KCTD16: variants seen among roughly 807,000 people sequenced by gnomAD.
The protein encoded by KCTD16 is potassium channel tetramerization domain containing 16, also known as BTB/POZ domain-containing protein KCTD16.
KCTD16 carries 13 observed loss-of-function variants against 33.2 expected under a neutral mutation model. The observed-to-expected ratio is 0.39, with a 90% CI of 0.25 to 0.62. The LOEUF (loss-of-function observed/expected upper bound fraction) is 0.62, where lower values mean the gene tolerates loss of function less well. KCTD16 is among the 20% of genes least tolerant of loss of function. The pLI is 0.50. For missense variants in KCTD16, 441 were observed against 525.1 expected (o/e 0.84, Z 1.57); for synonymous variants, 197 against 195.3 (o/e 1.01, Z -0.07).
chr5:144,465,779 CTTTTTTGT>C (rs1450038536), intron 3 of KCTD16, among the ~76,000 whole-genome samples: 3 of 129,872 alleles, frequency 2.3e-5, no homozygotes, highest in Non-Finnish European at 3.2e-5. Flanking sequence ...CCAAATTTAA[CTTTTTTGT>C]TTTTTTTTTT....
intron 3 of KCTD16, among the ~76,000 whole-genome samples, chr5:144,289,279 C>T (rs1192977303): frequency 6.6e-6 from 1 of 152,106 alleles, no homozygotes; most frequent in Non-Finnish European, 1.5e-5. Flanking sequence ...TGCATTTCAC[C>T]CTGGGATATT....
chr5:144,370,457 A>T (rs1265300185), intron 3 of KCTD16, among the ~76,000 whole-genome samples: 2 of 152,230 alleles, frequency 1.3e-5, no homozygotes, highest in Non-Finnish European at 2.9e-5. Context: ...TTTTGATGGC[A>T]GAATTTACTT....
chr5:144,233,835 T>G (rs1197748166), intron 3 of KCTD16, among the ~76,000 whole-genome samples: 1 of 152,140 alleles, frequency 6.6e-6, no homozygotes, highest in East Asian at 1.9e-4. Flanking sequence ...TAAATCTGCT[T>G]CTGCCCTGGC....
chr5:144,317,452 G>A (rs557647586), intron 3 of KCTD16, among the ~76,000 whole-genome samples: 1 of 152,304 alleles, frequency 6.6e-6, no homozygotes, highest in Non-Finnish European at 1.5e-5. Flanking sequence ...CTCTGGGAAT[G>A]GTTCCTGGAA....
intron 3 of KCTD16, among the ~76,000 whole-genome samples, chr5:144,248,190 T>G (rs1754601852): frequency 6.6e-6 from 1 of 151,260 alleles, no homozygotes; most frequent in African/African-American, 2.4e-5. Flanking sequence ...AAAGGGAGAG[T>G]AGGGGGCAGT....
chr5:144,235,157 A>T (rs1356510966), intron 3 of KCTD16, among the ~76,000 whole-genome samples: 2 of 152,150 alleles, frequency 1.3e-5, no homozygotes. Context: ...ATCATTTTGC[A>T]TGGGTGATAA....
intron 3 of KCTD16, among the ~76,000 whole-genome samples, chr5:144,403,485 A>C (rs1282517841): frequency 6.6e-6 from 1 of 152,074 alleles, no homozygotes; most frequent in Non-Finnish European, 1.5e-5. Flanking sequence ...ATATGTCTAC[A>C]AGCCAAGGAA....
chr5:144,262,756 C>T (rs1327139875), intron 3 of KCTD16, among the ~76,000 whole-genome samples: 1 of 152,148 alleles, frequency 6.6e-6, no homozygotes, highest in African/African-American at 2.4e-5. Context: ...TAGAAATCTT[C>T]AGTTTATTTG....
chr5:144,387,544 A>G (rs1752351598), intron 3 of KCTD16, among the ~76,000 whole-genome samples: 1 of 152,198 alleles, frequency 6.6e-6, no homozygotes, highest in Non-Finnish European at 1.5e-5. Context: ...TACTTAAAGC[A>G]TAAAGAAAGA....
intron 3 of KCTD16, among the ~76,000 whole-genome samples, chr5:144,406,295 A>G: frequency 6.6e-6 from 1 of 152,322 alleles, no homozygotes; most frequent in South Asian, 2.1e-4. Flanking sequence ...CATGAGGCAC[A>G]GTTAGTTAGT....
At chr5:144,247,925 G>T (rs935549418) in intron 3 of KCTD16, among the ~76,000 whole-genome samples, 1 of 152,112 alleles carries the variant, frequency 6.6e-6, no homozygotes, top group Non-Finnish European at 1.5e-5. Flanking sequence ...TGATGAGCAG[G>T]TCCTGGGCTA....
At chr5:144,254,352 C>T (rs953951293) in intron 3 of KCTD16, among the ~76,000 whole-genome samples, 2 of 151,514 alleles carry the variant, frequency 1.3e-5, no homozygotes, top group African/African-American at 2.4e-5. Flanking sequence ...ACAGTGTTTG[C>T]CAGGATGGTC....
chr5:144,305,611 C>G (rs773209825), intron 3 of KCTD16, among the ~76,000 whole-genome samples: 9 of 152,066 alleles, frequency 5.9e-5, no homozygotes, highest in Non-Finnish European at 1.0e-4. Flanking sequence ...GTCAGGAGAT[C>G]GAGACCATCC....
At chr5:144,440,663 C>A (rs2126976620) in intron 3 of KCTD16, among the ~76,000 whole-genome samples, 1 of 147,452 alleles carries the variant, frequency 6.8e-6, no homozygotes, top group South Asian at 2.1e-4. Flanking sequence ...GAGGCCCTAT[C>A]TCTACTGAAA....
At chr5:144,444,535 T>C (rs1394770768) in intron 3 of KCTD16, among the ~76,000 whole-genome samples, 1 of 152,024 alleles carries the variant, frequency 6.6e-6, no homozygotes, top group Non-Finnish European at 1.5e-5. Flanking sequence ...GCCTCAATAA[T>C]GTTTTTTTTA....
chr5:144,443,235 T>G (rs762595260), intron 3 of KCTD16, among the ~76,000 whole-genome samples: 21 of 152,224 alleles, frequency 1.4e-4, no homozygotes, highest in Middle Eastern at 3.4e-3. Flanking sequence ...TTGGAGCTTA[T>G]GAGGTGAAGG....
intron 3 of KCTD16, among the ~76,000 whole-genome samples, chr5:144,444,852 T>C (rs1010575912): frequency 6.6e-6 from 1 of 150,430 alleles, no homozygotes; most frequent in Non-Finnish European, 1.5e-5. Flanking sequence ...TATATATATA[T>C]ATATGTGTGT....
intron 3 of KCTD16, among the ~76,000 whole-genome samples, chr5:144,406,003 A>G (rs1000673762): frequency 6.6e-6 from 1 of 152,234 alleles, no homozygotes; most frequent in Non-Finnish European, 1.5e-5. Context: ...GAAAAGTAGA[A>G]GCACTATTGA....
At chr5:144,446,008 A>G (rs755217141) in intron 3 of KCTD16, among the ~76,000 whole-genome samples, 1 of 151,898 alleles carries the variant, frequency 6.6e-6, no homozygotes, top group Non-Finnish European at 1.5e-5. Context: ...AAGTGCTTTA[A>G]GTCCTACTTT....
Sources: allele counts gnomAD v4.1 joint callset (sites outside exome capture counted in the v4.1 genomes callset), GRCh38; gene constraint gnomAD v4.1.1; transcripts MANE v1.5; gene names NCBI Gene and HGNC (gene_info 2026-07-23, HGNC 2026-07-21).